Variants in CDH18 observed in about 807,000 individuals in gnomAD.
The protein encoded by CDH18 is cadherin-18.
In CDH18, 31 loss-of-function variants were observed where a neutral mutation model predicts 67.9. The observed-to-expected ratio is 0.46, with a 90% CI of 0.34 to 0.62. The LOEUF (loss-of-function observed/expected upper bound fraction) is 0.62. Ranked by LOEUF, CDH18 falls within the 20% of genes least tolerant of loss-of-function variation. The pLI is 0.01. For synonymous variants in CDH18, 362 were observed against 347.2 expected, an observed-to-expected ratio of 1.04 and a Z score of -0.48; for missense variants, 890 against 975.5, an observed-to-expected ratio of 0.91 and a Z score of 1.17.
chr5:20,572,519 A>G (rs942903967), intron 1 of CDH18, among the ~76,000 whole-genome samples: 26 of 152,182 alleles, frequency 1.7e-4, no homozygotes. Context: ...GTAAGTTTGA[A>G]AAGCATAGGA....
chr5:20,503,924 G>T (rs532298792), intron 1 of CDH18, among the ~76,000 whole-genome samples: 2 of 151,902 alleles, frequency 1.3e-5, no homozygotes, highest in Admixed American at 6.6e-5. Flanking sequence ...TGTAGTCCCA[G>T]CTACTCAGGA....
intron 2 of CDH18, among the ~76,000 whole-genome samples, chr5:20,124,705 G>C (rs568270371): frequency 6.6e-6 from 1 of 152,238 alleles, no homozygotes. Flanking sequence ...CTGTGAAAGC[G>C]GGCATTTGTG....
chr5:20,066,776 C>G (rs2150517963), intron 2 of CDH18, among the ~76,000 whole-genome samples: 1 of 151,894 alleles, frequency 6.6e-6, no homozygotes, highest in South Asian at 2.1e-4. Context: ...AGTTTTCTGA[C>G]TGGGGCAAGA....
chr5:19,761,461 A>C (rs1215633171), intron 3 of CDH18, among the ~76,000 whole-genome samples: 1 of 152,132 alleles, frequency 6.6e-6, no homozygotes, highest in Non-Finnish European at 1.5e-5. Flanking sequence ...TAACTCTCTA[A>C]AGAGTTTCTG....
Position 20,208,719 on chromosome 5 carries a change from A to G in CDH18, c.-518+46725T>C, listed in dbSNP as rs374537510. Among the ~76,000 whole-genome samples the G allele has an allele frequency of 3.2e-3, 489 of 152,232 alleles. 7 individuals are homozygous for G. The highest frequency in any genetic ancestry group is 0.025 in the South Asian group (123 of 4,826). On this transcript the variant is annotated intron_variant, in intron 2 of 14. Transcript: ENST00000507958. ...AGAGAACAAAATGAAAAGTAGACAAATGGGATTACATCATGGTAAAATGCT... is the reference window on the plus strand; with the variant it reads ...AGAGAACAAAATGAAAAGTAGACAAGTGGGATTACATCATGGTAAAATGCT...
chr5:20,368,607 C>G (rs953054081), intron 1 of CDH18, among the ~76,000 whole-genome samples: 2 of 151,858 alleles, frequency 1.3e-5, no homozygotes, highest in Admixed American at 6.6e-5. Flanking sequence ...AAAAAAGTAC[C>G]CTTTTTATAC....
intron 1 of CDH18, among the ~76,000 whole-genome samples, chr5:20,560,701 T>C (rs893932668): frequency 6.6e-6 from 1 of 152,050 alleles, no homozygotes; most frequent in Non-Finnish European, 1.5e-5. Context: ...TCTACTAGAC[T>C]AAGTTTAGGG....
intron 1 of CDH18, among the ~76,000 whole-genome samples, chr5:20,325,379 A>G (rs1738464884): frequency 6.6e-6 from 1 of 152,166 alleles, no homozygotes; most frequent in South Asian, 2.1e-4. Flanking sequence ...AGATAAGACA[A>G]TGTCTCCTTT....
At chr5:20,077,373 C>G (rs575304478) in intron 2 of CDH18, among the ~76,000 whole-genome samples, 3 of 152,312 alleles carry the variant, frequency 2.0e-5, no homozygotes, top group African/African-American at 7.2e-5. Flanking sequence ...TCGTGCTATT[C>G]AGCTGAACAA....
intron 1 of CDH18, among the ~76,000 whole-genome samples, chr5:20,257,084 G>C (rs1300246131): frequency 6.6e-6 from 1 of 151,510 alleles, no homozygotes; most frequent in African/African-American, 2.4e-5. Context: ...TAAGCTTCAG[G>C]GTTACTAGAA....
chr5:20,373,528 T>A (rs1344005411), intron 1 of CDH18, among the ~76,000 whole-genome samples: 4 of 152,138 alleles, frequency 2.6e-5, no homozygotes, highest in African/African-American at 9.7e-5. Flanking sequence ...GAGTAAGGTG[T>A]TGTTTTACTT....
intron 1 of CDH18, among the ~76,000 whole-genome samples, chr5:20,333,968 A>T (rs1739443919): frequency 6.6e-6 from 1 of 152,124 alleles, no homozygotes; most frequent in South Asian, 2.1e-4. Context: ...CAAAGATGTT[A>T]AATGAATTTA....
chr5:19,646,074 T>A (rs1044801158), intron 5 of CDH18, among the ~76,000 whole-genome samples: 9 of 152,012 alleles, frequency 5.9e-5, no homozygotes, highest in African/African-American at 2.2e-4. Context: ...ACAGCAGAAA[T>A]AGAGGTGAAA....
intron 10 of CDH18, among the ~76,000 whole-genome samples, chr5:19,516,215 G>T (rs554372257): frequency 1.3e-3 from 192 of 152,240 alleles, no homozygotes; most frequent in Non-Finnish European, 2.0e-3. Flanking sequence ...GATCTTGGTG[G>T]ATAAGCTTTT....
At chr5:19,664,659 A>C (rs1189865730) in intron 5 of CDH18, among the ~76,000 whole-genome samples, 1 of 151,992 alleles carries the variant, frequency 6.6e-6, no homozygotes, top group Non-Finnish European at 1.5e-5. Flanking sequence ...TTGGCCATCA[A>C]AAATCCTGGT....
chr5:20,467,326 T>C (rs1379040028), intron 1 of CDH18, among the ~76,000 whole-genome samples: 3 of 116,330 alleles, frequency 2.6e-5, no homozygotes, highest in South Asian at 5.2e-4. Context: ...AAAGGACTCA[T>C]TTACTCAAGT....
intron 1 of CDH18, among the ~76,000 whole-genome samples, chr5:20,440,241 G>A (rs1749509747): frequency 6.6e-6 from 1 of 151,770 alleles, no homozygotes; most frequent in African/African-American, 2.4e-5. Context: ...ATCTGACTTT[G>A]AGAGTTGAAA....
At chr5:20,144,217 G>A (rs1750466692) in intron 2 of CDH18, among the ~76,000 whole-genome samples, 1 of 151,944 alleles carries the variant, frequency 6.6e-6, no homozygotes, top group Non-Finnish European at 1.5e-5. Flanking sequence ...GGGAAACTGG[G>A]CTACCTCTCT....
In CDH18 at chr5:19,508,308, C is replaced by T. The variant is rs77587613; in HGVS notation, c.1513-5199G>A. 9.7e-3 allele frequency among the ~76,000 whole-genome samples: 1,480 copies of T among 152,058 alleles called. 15 individuals carry two copies. Among genetic ancestry groups the T allele is most frequent in the South Asian group, 0.031 (148 of 4,824 alleles). On this transcript the variant is annotated intron_variant, in intron 10 of 12. Coordinates refer to ENST00000382275, the MANE Select transcript of CDH18 (RefSeq NM_004934.5). ...CTTCTGGCAGATATCTAGATAATTGCCAGGTTTCCATCATCAAATTTTCTA... is the reference window on the plus strand; with the variant it reads ...CTTCTGGCAGATATCTAGATAATTGTCAGGTTTCCATCATCAAATTTTCTA...
Sources: gnomAD v4.1 joint callset for allele counts (sites outside exome capture counted in the v4.1 genomes callset) on GRCh38, gnomAD v4.1.1 for gene constraint, MANE v1.5 for transcripts, NCBI Gene and HGNC (gene_info 2026-07-23, HGNC 2026-07-21) for gene names.